Variants in NAT9 observed in about 807,000 individuals in gnomAD.
NAT9 encodes alpha/beta-tubulin-N-acetyltransferase 9.
In NAT9, 18 loss-of-function variants were observed where a neutral mutation model predicts 24.0. The observed-to-expected ratio is 0.75, with a 90% CI of 0.52 to 1.11. NAT9 has a LOEUF of 1.11. Ranked by LOEUF, NAT9 falls within the 50% of genes most tolerant of loss-of-function variation. The probability of loss-of-function intolerance (pLI) is 0.00; values close to 1 mark genes in which losing one functional copy is unlikely to be tolerated. For missense variants in NAT9, 254 were observed against 258.6 expected, an observed-to-expected ratio of 0.98 and a Z score of 0.12; for synonymous variants, 104 against 102.3, an observed-to-expected ratio of 1.02 and a Z score of -0.10.
In NAT9 at chr17:74,772,219, G is replaced by GT; in HGVS notation, c.392dup (p.Tyr131Ter). The GT allele has an allele frequency of 6.2e-7, 1 of 1,614,204 alleles. No homozygotes were observed. Among genetic ancestry groups the GT allele is most frequent in the Non-Finnish European group, 8.5e-7 (1 of 1,180,046 alleles). Residue 131 changes from tyrosine to a stop codon, truncating the protein, a stop_gained and frameshift_variant and splice_region_variant, in exon 5 of 7, where the codon TAC becomes TAAC. Transcript: ENST00000357814. LOFTEE classifies it high-confidence loss of function. Reference protein sequence around the residue: ...GTEAVLAMLSYGVTTLGLTKF... With the variant: ...GTEAVLAMLS The stretch of plus-strand genomic sequence containing the variant: ...CATTGTCTGCTCACACTTTCTTACC[G>GT]TAAGACAGCATCGCGAGAACGGCCT...
chr17:74,773,517 G>T, intron 3 of NAT9, 59 bp downstream of exon 3: 2 of 1,435,890 alleles, frequency 1.4e-6, no homozygotes, highest in South Asian at 1.1e-5. Context: ...CCTGGAGACT[G>T]ACTGTGGAGT....
intron 2 of NAT9, 78 bp downstream of exon 2, chr17:74,775,543 GA>G: frequency 1.7e-6 from 2 of 1,189,258 alleles, no homozygotes; most frequent in Non-Finnish European, 2.4e-6. Context: ...CTTCTTAGGG[GA>G]AATAGCCCTG....
In NAT9 at chr17:74,775,845, C is replaced by G. The variant is rs980395273; in HGVS notation, c.-9-138G>C. ...CTAGACACTTCAAAGAATACAGACTCCAAAATTCTTGCAAGAAAGAGAACC... is the reference window on the plus strand; with the variant it reads ...CTAGACACTTCAAAGAATACAGACTGCAAAATTCTTGCAAGAAAGAGAACC... On this transcript the variant is annotated intron_variant, in intron 1 of 6. Transcript: ENST00000357814. The G allele has an allele frequency of 6.9e-6, 4 of 577,822 alleles. No individual in the cohort carries two copies. In the African/African-American group the frequency reaches 7.5e-5, roughly 11 times the overall value. The allele number at this position is 577,822 out of a possible 1,614,324, so 35.8% of individuals were successfully genotyped here.
At position 74,773,014 on chromosome 17, in the gene NAT9, G is replaced by C. The variant is rs146446741; in HGVS notation, c.216C>G (p.Ala72=). Residue 72 remains alanine, a synonymous_variant, in exon 4 of 7, where the codon GCC becomes GCG. Transcript: ENST00000357814. ...ADKCTFIVLD[A]EKWQAQPGAT... ...CGCCTGGCTGGGCCTGCCACTTCTC[G>C]GCATCCAGCACAATGAAGGTACACT... 11 of 1,613,916 alleles carry C rather than the reference G, an allele frequency of 6.8e-6. No individual in the cohort carries two copies. Among genetic ancestry groups the C allele is most frequent in the Middle Eastern group, 3.3e-4 (2 of 6,062 alleles).
chr17:74,776,250 G>C lies in NAT9; in HGVS notation c.-10+17C>G, dbSNP rs538720931. ...CTCCAACCACGCGGACCCGGGTACT[G>C]CCAAGCTCACACCCACCTACCACCG... On this transcript the variant is annotated intron_variant, in intron 1 of 6. Transcript: ENST00000357814. 6.5e-6 allele frequency: 1 copy of C among 152,852 alleles called. No homozygotes were observed. Among genetic ancestry groups the C allele is most frequent in the East Asian group, 1.9e-4 (1 of 5,186 alleles). The allele number at this position is 152,852 out of a possible 1,614,324, so 9.5% of individuals were successfully genotyped here. A position where few individuals can be genotyped will look rare whatever the true frequency, so the allele number is the denominator to read the frequency against.
intron 1 of NAT9, 55 bp from the exon 2 acceptor site, chr17:74,775,762 T>A: frequency 1.3e-6 from 2 of 1,495,446 alleles, no homozygotes; most frequent in Non-Finnish European, 1.9e-6. Context: ...CCTCCAACTT[T>A]GGGTAGGCGC....
At chr17:74,774,539 T>TCAGGCTGG (rs1315726726) in intron 2 of NAT9, among the ~76,000 whole-genome samples, 1 of 146,592 alleles carries the variant, frequency 6.8e-6, no homozygotes, top group Non-Finnish European at 1.5e-5. Context: ...TCCACGTTGA[T>TCAGGCTGG]CAGGCTGGTC....
intron 1 of NAT9, 94 bp from the exon 2 acceptor site, chr17:74,775,801 C>T (rs1178857258): frequency 1.1e-6 from 1 of 938,748 alleles, no homozygotes; most frequent in East Asian, 2.5e-5. Flanking sequence ...GCTAAGTTGA[C>T]TTCCGTCATT....
rs1160501115 is a variant in NAT9, at chr17:74,771,577, C to T, written c.*147G>A. The T allele has an allele frequency of 8.4e-6, 11 of 1,304,242 alleles. No individual in the cohort carries two copies. The East Asian group carries it at 2.8e-4, about 33-fold the overall frequency. 80.8% of individuals were successfully genotyped at this position (1,304,242 alleles called of 1,614,324 possible). On this transcript the variant is annotated 3_prime_UTR_variant, in exon 7 of 7. Coordinates refer to ENST00000357814, the MANE Select transcript of NAT9 (RefSeq NM_015654.5). ...CACACCACTAGCTGGAGGGAGGCCACAGCAAGCCCCGCCAGAGTCTGAAGG... is the reference window on the plus strand; with the variant it reads ...CACACCACTAGCTGGAGGGAGGCCATAGCAAGCCCCGCCAGAGTCTGAAGG...
At chr17:74,772,823 G>A in intron 4 of NAT9, 73 bp downstream of exon 4, 1 of 1,592,142 alleles carries the variant, frequency 6.3e-7, no homozygotes, top group Admixed American at 1.7e-5. Flanking sequence ...CCCACCCTTT[G>A]CAGCCTCGGC....
rs779637347 is a variant in NAT9, at chr17:74,772,144, C to T, written c.394+74G>A. ...TGCAGAGGAGGAACCTTCACCTGCCCCCAACCCTCACACCTGAACAAAGTT... is the reference window on the plus strand; with the variant it reads ...TGCAGAGGAGGAACCTTCACCTGCCTCCAACCCTCACACCTGAACAAAGTT... On this transcript the variant is annotated intron_variant, in intron 5 of 6. Transcript: ENST00000357814. The T allele has an allele frequency of 1.4e-4, 224 of 1,613,466 alleles. 1 individual carries two copies. The highest frequency in any genetic ancestry group is 1.8e-4 in the Non-Finnish European group (218 of 1,179,588).
In NAT9 at chr17:74,771,958, A is replaced by G; in HGVS notation, c.489+2T>C. 1 of 1,614,204 alleles carries G rather than the reference A, an allele frequency of 6.2e-7. No individual in the cohort carries two copies. The highest frequency in any genetic ancestry group is 8.5e-7 in the Non-Finnish European group (1 of 1,180,014). On this transcript the variant is annotated splice_donor_variant, in intron 6 of 6. Transcript: ENST00000357814. LOFTEE classifies it high-confidence loss of function. ...CCCCACTCTGCCCCAGGACATCCTT[A>G]CCTGCTCAAAGTGAAGTTTCTGGAA...
chr17:74,774,827 G>A (rs1254122275), intron 2 of NAT9, among the ~76,000 whole-genome samples: 1 of 152,054 alleles, frequency 6.6e-6, no homozygotes, highest in Non-Finnish European at 1.5e-5. Context: ...TGGGATTACA[G>A]GCGTGAGCCA....
chr17:74,771,612 G>C lies in NAT9; in HGVS notation c.*112C>G. ...CGCCAGAGTCTGAAGGGCCTCGAAAGGTGATTCCCAGCCTGGGCCAGGAGC... is the reference window on the plus strand; with the variant it reads ...CGCCAGAGTCTGAAGGGCCTCGAAACGTGATTCCCAGCCTGGGCCAGGAGC... On this transcript the variant is annotated 3_prime_UTR_variant, in exon 7 of 7. Coordinates refer to ENST00000357814, the MANE Select transcript of NAT9 (RefSeq NM_015654.5). 1 of 1,498,810 alleles carries C rather than the reference G, an allele frequency of 6.7e-7. No individual in the cohort carries two copies. The highest frequency in any genetic ancestry group is 2.4e-5 in the East Asian group (1 of 41,580). The allele number at this position is 1,498,810 out of a possible 1,614,324, so 92.8% of individuals were successfully genotyped here.
Position 74,771,964 on chromosome 17 carries a change from T to C in NAT9, c.485A>G (p.Glu162Gly). 3.1e-6 allele frequency: 5 copies of C among 1,614,232 alleles called. No individual in the cohort carries two copies. The highest frequency in any genetic ancestry group is 4.2e-6 in the Non-Finnish European group (5 of 1,180,036). The change falls in exon 6 of 7, where the codon GAG becomes GGG. Residue 162 changes from glutamate (E) to glycine (G), a missense_variant. Transcript: ENST00000357814. Reference sequence around the variant, plus strand: ...TCTGCCCCAGGACATCCTTACCTGCTCAAAGTGAAGTTTCTGGAACATCCG... The same window carrying C: ...TCTGCCCCAGGACATCCTTACCTGCCCAAAGTGAAGTTTCTGGAACATCCG... ...SIRMFQKLHF[E>G]QVATSSVFQE... is the part of the protein sequence containing the mutation.
At chr17:74,775,122 T>G (rs2035835126) in intron 2 of NAT9, among the ~76,000 whole-genome samples, 1 of 152,208 alleles carries the variant, frequency 6.6e-6, no homozygotes, top group South Asian at 2.1e-4. Context: ...CCCAAAGTGC[T>G]GGGATTACAG....
rs774186307 is a variant in NAT9, at chr17:74,771,970, T to C, written c.479A>G (p.His160Arg). Residue 160 changes from histidine to arginine, a missense_variant, in exon 6 of 7, where the codon CAC becomes CGC. Coordinates refer to ENST00000357814, the MANE Select transcript of NAT9 (RefSeq NM_015654.5). ...EPSIRMFQKL[H>R]FEQVATSSVF... Reference sequence around the variant, plus strand: ...CCAGGACATCCTTACCTGCTCAAAGTGAAGTTTCTGGAACATCCGGATGCT... The same window carrying C: ...CCAGGACATCCTTACCTGCTCAAAGCGAAGTTTCTGGAACATCCGGATGCT... 2.5e-6 allele frequency: 4 copies of C among 1,614,234 alleles called. No homozygotes were observed. The highest frequency in any genetic ancestry group is 3.4e-6 in the Non-Finnish European group (4 of 1,180,034).
chr17:74,773,751 AT>A, intron 2 of NAT9, 63 bp from the exon 3 acceptor site: 4 of 1,391,738 alleles, frequency 2.9e-6, no homozygotes, highest in Non-Finnish European at 3.1e-6. Flanking sequence ...CTGACACCTT[AT>A]GAGGGTCCAG....
chr17:74,775,487 C>A (rs1227618537), intron 2 of NAT9, 135 bp downstream of exon 2: 3 of 715,956 alleles, frequency 4.2e-6, no homozygotes, highest in South Asian at 2.7e-5. Flanking sequence ...CGGCACCCAG[C>A]CTTTTTTCCC....
Sources: gnomAD v4.1 joint callset for allele counts (sites outside exome capture counted in the v4.1 genomes callset) on GRCh38, gnomAD v4.1.1 for gene constraint, MANE v1.5 for transcripts, NCBI Gene and HGNC (gene_info 2026-07-23, HGNC 2026-07-21) for gene names.